The following MEAK7 variants were observed in gnomAD, a reference collection of about 807,000 sequenced individuals.
MEAK7 encodes MTOR-associated protein MEAK7.
In MEAK7, 68 loss-of-function variants were observed where a neutral mutation model predicts 40.5. The observed-to-expected ratio is 1.68, with a 90% CI of 1.38 to 2.06. The LOEUF (loss-of-function observed/expected upper bound fraction) is 2.06. Among genes scored for constraint, MEAK7 ranks in the 30% most tolerant of loss-of-function variants. The pLI, the probability that MEAK7 is intolerant of heterozygous loss-of-function variation, is 0.00. For synonymous variants in MEAK7, 338 were observed against 231.9 expected (o/e 1.46, Z -4.16); for missense variants, 918 against 580.5 (o/e 1.58, Z -5.98).
intron 6 of MEAK7, among the ~76,000 whole-genome samples, chr16:84,482,343 C>T (rs1474011163): frequency 6.6e-6 from 1 of 152,204 alleles, no homozygotes; most frequent in African/African-American, 2.4e-5. Flanking sequence ...AAAAATGGGC[C>T]AAGTGTGCCA....
intron 1 of MEAK7, among the ~76,000 whole-genome samples, chr16:84,500,877 G>A (rs756892926): frequency 2.6e-5 from 4 of 152,066 alleles, no homozygotes; most frequent in East Asian, 3.9e-4. Flanking sequence ...ACCATCTCCT[G>A]AGGTCAGGAG....
chr16:84,482,746 G>C (rs1367346520), intron 5 of MEAK7, 36 bp from the exon 6 acceptor site: 2 of 1,611,922 alleles, frequency 1.2e-6, no homozygotes, highest in South Asian at 1.1e-5. Flanking sequence ...AACAGGGTCG[G>C]TGTCTGAGCC....
At chr16:84,488,981 TA>T (rs1157983206) in intron 4 of MEAK7, among the ~76,000 whole-genome samples, 1 of 151,882 alleles carries the variant, frequency 6.6e-6, no homozygotes, top group Admixed American at 6.6e-5. Flanking sequence ...TTAATGAAAC[TA>T]AAAGCTGGTT....
Position 84,497,702 on chromosome 16 carries a change from A to C in MEAK7, c.153+232T>G, listed in dbSNP as rs1229543406. 5 of 1,433,240 alleles carry C rather than the reference A, an allele frequency of 3.5e-6. No individual in the cohort carries two copies. In the African/African-American group the frequency reaches 5.6e-5, roughly 16 times the overall value. The allele number at this position is 1,433,240 out of a possible 1,614,324, so 88.8% of individuals were successfully genotyped here. A position where few individuals can be genotyped will look rare whatever the true frequency, so the allele number is the denominator to read the frequency against. ...CAAAAACGGGGAGGGATGCGTTTAG[A>C]CACTGTCTATGGCTATTTTCACACA... On this transcript the variant is annotated intron_variant, in intron 2 of 7. Coordinates refer to ENST00000343629, the MANE Select transcript of MEAK7 (RefSeq NM_020947.4).
At chr16:84,482,552 C>T (rs1912658845) in intron 6 of MEAK7, 40 bp downstream of exon 6, 2 of 1,613,484 alleles carry the variant, frequency 1.2e-6, no homozygotes, top group Non-Finnish European at 1.7e-6. Context: ...TGCTGGGGGA[C>T]ATCACCAAGG....
chr16:84,500,913 T>G (rs1403818785), intron 1 of MEAK7, among the ~76,000 whole-genome samples: 1 of 151,732 alleles, frequency 6.6e-6, no homozygotes, highest in Non-Finnish European at 1.5e-5. Flanking sequence ...GCCAACGACA[T>G]GAAACCCCAT....
At chr16:84,498,788 ATAT>A (rs1390590165) in intron 1 of MEAK7, among the ~76,000 whole-genome samples, 1 of 152,204 alleles carries the variant, frequency 6.6e-6, no homozygotes, top group African/African-American at 2.4e-5. Context: ...GAGTTAGAAA[ATAT>A]AAATCAAAGG....
intron 1 of MEAK7, among the ~76,000 whole-genome samples, chr16:84,499,327 G>A (rs1597969344): frequency 6.6e-6 from 1 of 152,164 alleles, no homozygotes; most frequent in Non-Finnish European, 1.5e-5. Flanking sequence ...TGAGACTGCT[G>A]GAGAGAAAAC....
intron 1 of MEAK7, among the ~76,000 whole-genome samples, chr16:84,503,013 A>G (rs425448): frequency 0.44 from 67,319 of 152,048 alleles, 17,122 homozygotes; most frequent in Non-Finnish European, 0.58. Flanking sequence ...AAACAAACAA[A>G]AAAACCCACA....
intron 1 of MEAK7, among the ~76,000 whole-genome samples, chr16:84,499,272 CTG>C (rs1245578802): frequency 2.0e-5 from 3 of 152,196 alleles, no homozygotes; most frequent in Non-Finnish European, 4.4e-5. Flanking sequence ...GGTGCTGTGA[CTG>C]TTAATTCCTG....
chr16:84,482,721 C>A lies in MEAK7; in HGVS notation c.959-11G>T, dbSNP rs1189183213. On this transcript the variant is annotated splice_polypyrimidine_tract_variant and intron_variant, in intron 5 of 7. Transcript: ENST00000343629. ...AGCATCTGTTGTCCCCTGAAAGTAG[C>A]CAGAGAACAAAACAAACAGGGTCGG... The A allele has an allele frequency of 6.2e-7, 1 of 1,613,756 alleles. No homozygotes were observed. The highest frequency in any genetic ancestry group is 1.7e-5 in the Admixed American group (1 of 59,960).
intron 2 of MEAK7, 81 bp from the exon 3 acceptor site, chr16:84,495,994 T>G: frequency 1.3e-6 from 2 of 1,487,094 alleles, no homozygotes; most frequent in South Asian, 1.2e-5. Flanking sequence ...TTTAGGCAGA[T>G]AGAGAGGAAA....
Position 84,495,673 on chromosome 16 carries a change from G to C in MEAK7, c.384+10C>G. ...TGAGGAGGCTGCAAAGGACCTCGCG[G>C]CCTCACTACCTTTTGGACTTCTCTG... On this transcript the variant is annotated intron_variant, in intron 3 of 7. Transcript: ENST00000343629. The C allele has an allele frequency of 6.2e-7, 1 of 1,613,910 alleles. No homozygotes were observed.
intron 7 of MEAK7, among the ~76,000 whole-genome samples, chr16:84,480,308 G>A (rs1253182387): frequency 2.0e-5 from 3 of 152,108 alleles, no homozygotes; most frequent in Non-Finnish European, 1.5e-5. Flanking sequence ...TCGCACTTGG[G>A]GAACCCCCCT....
chr16:84,501,224 G>A (rs1305842804), intron 1 of MEAK7, among the ~76,000 whole-genome samples: 1 of 151,946 alleles, frequency 6.6e-6, no homozygotes, highest in Non-Finnish European at 1.5e-5. Context: ...CATTCCAGCT[G>A]AGTCTTCAGA....
chr16:84,496,782 G>T (rs1413731230), intron 2 of MEAK7, among the ~76,000 whole-genome samples: 1 of 152,028 alleles, frequency 6.6e-6, no homozygotes, highest in Non-Finnish European at 1.5e-5. Context: ...CTCCCATCCT[G>T]CCTCCAAACT....
chr16:84,483,510 G>C (rs1305221605), intron 5 of MEAK7, among the ~76,000 whole-genome samples: 1 of 152,224 alleles, frequency 6.6e-6, no homozygotes, highest in East Asian at 1.9e-4. Context: ...ATGGGAATTT[G>C]GGGTTGGGCT....
chr16:84,502,696 C>T (rs912051320), intron 1 of MEAK7: 1 of 152,150 alleles, frequency 6.6e-6, no homozygotes, highest in African/African-American at 2.4e-5. Context: ...CATAGTGAGA[C>T]TTCGTCTCTG....
intron 1 of MEAK7, chr16:84,504,150 G>C (rs1009891986): frequency 5.0e-5 from 49 of 985,388 alleles, no homozygotes; most frequent in Admixed American, 6.2e-5. Context: ...TCACTGTCCT[G>C]GAAAAGCCCA....
Sources: gnomAD v4.1 joint callset for allele counts (sites outside exome capture counted in the v4.1 genomes callset) on GRCh38, gnomAD v4.1.1 for gene constraint, MANE v1.5 for transcripts, NCBI Gene and HGNC (gene_info 2026-07-23, HGNC 2026-07-21) for gene names.